WDR7: variants seen among roughly 807,000 people sequenced by gnomAD.
WDR7 encodes the protein WD repeat domain 7.
In WDR7, 46 loss-of-function variants were observed where a neutral mutation model predicts 169.4. The observed-to-expected ratio is 0.27, with a 90% confidence interval of 0.21 to 0.35. WDR7 has a LOEUF of 0.35. WDR7 is among the 10% of genes least tolerant of loss of function. The pLI is 1.00. For missense variants in WDR7, 1,534 were observed against 1,859.3 expected, an observed-to-expected ratio of 0.83 and a Z score of 3.22; for synonymous variants, 612 against 666.8, an observed-to-expected ratio of 0.92 and a Z score of 1.27.
chr18:56,775,013 G>T (rs980983948), intron 16 of WDR7, among the ~76,000 whole-genome samples: 9 of 151,658 alleles, frequency 5.9e-5, no homozygotes, highest in African/African-American at 2.2e-4. Context: ...TAAGACATAC[G>T]CCTATTCTAG....
At chr18:56,750,035 G>C (rs962680251) in intron 14 of WDR7, among the ~76,000 whole-genome samples, 1 of 151,896 alleles carries the variant, frequency 6.6e-6, no homozygotes, top group African/African-American at 2.4e-5. Flanking sequence ...GTGTGTGTCT[G>C]TGTGTTTATG....
chr18:56,881,363 A>G (rs1182729893), intron 21 of WDR7, among the ~76,000 whole-genome samples: 1 of 152,004 alleles, frequency 6.6e-6, no homozygotes, highest in Non-Finnish European at 1.5e-5. Context: ...ACCTCACTTC[A>G]TCCTCATAAT....
intron 12 of WDR7, among the ~76,000 whole-genome samples, chr18:56,716,902 A>G (rs1598985653): frequency 6.6e-6 from 1 of 152,068 alleles, no homozygotes; most frequent in African/African-American, 2.4e-5. Context: ...CCTTTTTTTC[A>G]CCTAATACCT....
chr18:57,015,431 A>G (rs1472296562), intron 26 of WDR7, among the ~76,000 whole-genome samples: 1 of 152,194 alleles, frequency 6.6e-6, no homozygotes, highest in African/African-American at 2.4e-5. Context: ...ATTGCTTGGG[A>G]GAAAAGAAGG....
chr18:56,822,668 T>G (rs1179003129), intron 20 of WDR7, among the ~76,000 whole-genome samples: 2 of 152,214 alleles, frequency 1.3e-5, no homozygotes, highest in African/African-American at 4.8e-5. Context: ...AAAAAGTAGT[T>G]TAGATGTATG....
intron 11 of WDR7, 48 bp downstream of exon 11, chr18:56,695,246 C>A: frequency 6.4e-7 from 1 of 1,571,992 alleles, no homozygotes; most frequent in Non-Finnish European, 8.6e-7. Flanking sequence ...CAACTCTTAC[C>A]CAGAGAGTGA....
intron 20 of WDR7, among the ~76,000 whole-genome samples, chr18:56,816,640 A>G (rs1043981895): frequency 2.0e-5 from 3 of 152,200 alleles, no homozygotes; most frequent in African/African-American, 4.8e-5. Flanking sequence ...TACCTTTCAC[A>G]TGAAGTGAAA....
At chr18:56,978,982 C>T (rs1050401527) in intron 26 of WDR7, among the ~76,000 whole-genome samples, 10 of 152,044 alleles carry the variant, frequency 6.6e-5, no homozygotes, top group African/African-American at 2.4e-4. Context: ...AAGGAAAAAT[C>T]ATTTGCTTGA....
At chr18:56,825,050 G>A (rs772910140) in intron 20 of WDR7, among the ~76,000 whole-genome samples, 3 of 152,128 alleles carry the variant, frequency 2.0e-5, no homozygotes, top group African/African-American at 4.8e-5. Flanking sequence ...TGTGGATGAT[G>A]GTCCCAGTTT....
At chr18:56,875,493 G>A (rs1164380315) in intron 20 of WDR7, among the ~76,000 whole-genome samples, 1 of 152,114 alleles carries the variant, frequency 6.6e-6, no homozygotes. Context: ...CACTGTTTGT[G>A]GGATATAAAT....
At chr18:56,947,725 A>T (rs1405510019) in intron 25 of WDR7, among the ~76,000 whole-genome samples, 1 of 152,228 alleles carries the variant, frequency 6.6e-6, no homozygotes, top group Non-Finnish European at 1.5e-5. Context: ...CAGCATCATG[A>T]AACGTGAAGG....
intron 1 of WDR7, among the ~76,000 whole-genome samples, chr18:56,661,427 T>C (rs1475155713): frequency 6.6e-6 from 1 of 152,244 alleles, no homozygotes; most frequent in African/African-American, 2.4e-5. Context: ...TCAGCATCTA[T>C]GAATCACTTT....
At chr18:56,688,227 T>C (rs2144603003) in intron 7 of WDR7, among the ~76,000 whole-genome samples, 1 of 152,266 alleles carries the variant, frequency 6.6e-6, no homozygotes, top group Admixed American at 6.5e-5. Flanking sequence ...GAACCTGGAA[T>C]GGGCTGGTTT....
At chr18:56,724,816 A>T (rs1023265061) in intron 13 of WDR7, among the ~76,000 whole-genome samples, 10 of 151,738 alleles carry the variant, frequency 6.6e-5, no homozygotes, top group African/African-American at 2.4e-4. Context: ...CCACCACCCC[A>T]CAACAGGCCC....
chr18:56,712,405 A>C (rs954610773), intron 12 of WDR7, among the ~76,000 whole-genome samples: 2 of 152,256 alleles, frequency 1.3e-5, no homozygotes, highest in Non-Finnish European at 2.9e-5. Context: ...ATTTACTGGC[A>C]AATCCAATGA....
chr18:56,822,068 A>G (rs541871792), intron 20 of WDR7, among the ~76,000 whole-genome samples: 38 of 152,270 alleles, frequency 2.5e-4, no homozygotes, highest in African/African-American at 8.7e-4. Flanking sequence ...CTGGTACTAC[A>G]GGTGTGCTAC....
In WDR7 at chr18:57,016,745, C is replaced by T. The variant is rs114709126; in HGVS notation, c.4165-4000C>T. Among the ~76,000 whole-genome samples, 606 of 152,246 alleles carry T rather than the reference C, an allele frequency of 4.0e-3. 4 individuals are homozygous for T. The highest frequency in any genetic ancestry group is 0.014 in the African/African-American group (579 of 41,538). ...TAAGTATTGTTCATTATTCTGCTTC[C>T]CAGTTCCTTTTCTTTAATGAGAAAA... is the stretch of plus-strand genomic sequence containing the variant. On this transcript the variant is annotated intron_variant, in intron 26 of 27. Transcript: ENST00000254442.
At chr18:56,696,558 G>A in intron 12 of WDR7, 96 bp downstream of exon 12, 1 of 1,057,824 alleles carries the variant, frequency 9.5e-7, no homozygotes, top group Non-Finnish European at 1.3e-6. Flanking sequence ...CTTAAAGGAA[G>A]TGTGACAAGA....
At position 56,758,970 on chromosome 18, in the gene WDR7, T is replaced by C; in HGVS notation, c.2848+17T>C. Reference sequence around the variant, plus strand: ...TTAAACAAGGTAAAATTAAATCTTATTAAGTAATTGACATGACATTTCAGC... The same window carrying C: ...TTAAACAAGGTAAAATTAAATCTTACTAAGTAATTGACATGACATTTCAGC... On this transcript the variant is annotated intron_variant, in intron 16 of 27. Coordinates refer to ENST00000254442, the MANE Select transcript of WDR7 (RefSeq NM_015285.3). 2 of 1,592,576 alleles carry C rather than the reference T, an allele frequency of 1.3e-6. No individual in the cohort carries two copies. The highest frequency in any genetic ancestry group is 1.7e-5 in the Admixed American group (1 of 59,142).
Sources: gnomAD v4.1 joint callset for allele counts (sites outside exome capture counted in the v4.1 genomes callset) on GRCh38, gnomAD v4.1.1 for gene constraint, MANE v1.5 for transcripts, NCBI Gene and HGNC (gene_info 2026-07-23, HGNC 2026-07-21) for gene names.